The following PICALM variants were observed in gnomAD, a reference collection of about 807,000 sequenced individuals.
The protein encoded by PICALM is phosphatidylinositol binding clathrin assembly protein.
PICALM carries 40 observed loss-of-function variants against 80.5 expected under a neutral mutation model. That is an observed-to-expected ratio of 0.50 (90% CI 0.39 to 0.65). PICALM has a LOEUF of 0.65. Ranked by LOEUF, PICALM falls within the 30% of genes least tolerant of loss-of-function variation. The pLI, the probability that PICALM is intolerant of heterozygous loss-of-function variation, is 0.00. For missense variants in PICALM, 676 were observed against 778.9 expected (o/e 0.87, Z 1.57); for synonymous variants, 288 against 260.3 (o/e 1.11, Z -1.02).
Position 86,031,614 on chromosome 11 carries a change from G to A in PICALM, c.131-3C>T. ...CTCATTTGTGCACTGAATTAAGTCT[G>A]CAATAAAAAATTTTTAAATGATTAA... On this transcript the variant is annotated splice_polypyrimidine_tract_variant and splice_region_variant and intron_variant, in intron 1 of 19. Transcript: ENST00000393346. 3.1e-6 allele frequency: 5 copies of A among 1,590,636 alleles called. No individual in the cohort carries two copies. The highest frequency in any genetic ancestry group is 3.4e-6 in the Non-Finnish European group (4 of 1,172,250).
chr11:85,985,809 T>G (rs1226951786), intron 13 of PICALM, among the ~76,000 whole-genome samples: 2 of 152,224 alleles, frequency 1.3e-5, no homozygotes, highest in African/African-American at 4.8e-5. Flanking sequence ...GCTATTGATG[T>G]CACTAACTTT....
chr11:85,970,412 G>T (rs1455395182), intron 19 of PICALM, among the ~76,000 whole-genome samples: 1 of 152,200 alleles, frequency 6.6e-6, no homozygotes, highest in Non-Finnish European at 1.5e-5. Context: ...CGAAGAACTT[G>T]AATATTCCGT....
intron 19 of PICALM, among the ~76,000 whole-genome samples, chr11:85,960,216 A>ATACTT (rs1450978680): frequency 2.6e-5 from 4 of 152,202 alleles, no homozygotes; most frequent in Non-Finnish European, 5.9e-5. Flanking sequence ...AAGATTACTG[A>ATACTT]AGTAGATGTG....
chr11:86,028,647 A>G lies in PICALM; in HGVS notation c.274-2280T>C, dbSNP rs143846562. 3.1e-3 allele frequency among the ~76,000 whole-genome samples: 476 copies of G among 152,268 alleles called. 4 individuals carry two copies. The highest frequency in any genetic ancestry group is 0.011 in the South Asian group (51 of 4,820). ...CAGAAGTGACTTACCCAAGTCACCC[A>G]GTTGGTAAGTGAACAACAGTATAAA... is the stretch of plus-strand genomic sequence containing the variant. On this transcript the variant is annotated intron_variant, in intron 2 of 19. Transcript: ENST00000393346.
At chr11:86,003,641 G>C (rs1469141211) in intron 8 of PICALM, 190 bp from the exon 9 acceptor site, 8 of 390,862 alleles carry the variant, frequency 2.0e-5, no homozygotes, top group Non-Finnish European at 3.6e-5. Flanking sequence ...CCTAGTTGGA[G>C]ATATTAAGAA....
In PICALM at chr11:85,990,008, C is replaced by CAAAAAAAAAAAA. The variant is rs5793177; in HGVS notation, c.1408+230_1408+241dup. Among the ~76,000 whole-genome samples the CAAAAAAAAAAAA allele has an allele frequency of 5.6e-5, 5 of 89,320 alleles. 1 individual carries two copies. Among genetic ancestry groups the CAAAAAAAAAAAA allele is most frequent in the African/African-American group, 1.8e-4 (4 of 21,660 alleles). 58.6% of individuals were successfully genotyped at this position (89,320 alleles called of 152,430 possible). A position where few individuals can be genotyped will look rare whatever the true frequency, so the allele number is the denominator to read the frequency against. On this transcript the variant is annotated intron_variant, in intron 13 of 19. Transcript: ENST00000393346. Reference sequence around the variant, plus strand: ...TATAACACGACAGAGAACCAAACACCAAAAAAAAAAAAAAAAAAAAAGTTC... The same window carrying CAAAAAAAAAAAA: ...TATAACACGACAGAGAACCAAACACCAAAAAAAAAAAAAAAAAAAAAAAAAAAAAAAAAGTTC...
intron 7 of PICALM, among the ~76,000 whole-genome samples, chr11:86,009,379 A>T (rs1045823375): frequency 6.7e-6 from 1 of 149,736 alleles, no homozygotes; most frequent in African/African-American, 2.5e-5. Flanking sequence ...GCAGATCTGG[A>T]GTACAGAAGG....
chr11:86,061,227 G>C (rs1438415534), intron 1 of PICALM, among the ~76,000 whole-genome samples: 1 of 150,380 alleles, frequency 6.6e-6, no homozygotes, highest in Non-Finnish European at 1.5e-5. Flanking sequence ...TACTTGCGAG[G>C]CTGAGGCAGA....
Position 85,974,812 on chromosome 11 carries a change from G to A in PICALM, c.1840C>T (p.Pro614Ser). ...TPTGMIGYGI[P>S]PQMGSVPVMT... The stretch of plus-strand genomic sequence containing the variant: ...ACAGGAACACTTCCCATTTGTGGAG[G>A]CTAAAAAAGAGAAAAATATCAAAAG... The change falls in exon 19 of 20, where the codon CCT becomes TCT. Residue 614 changes from proline to serine, a missense_variant and splice_region_variant. By Grantham distance (74) the Pro-to-Ser change is moderately conservative. This residue lies in a region of PICALM where 391 missense variants were observed against 383.6 expected (regional missense o/e 1.02). Transcript: ENST00000393346. The A allele has an allele frequency of 6.2e-7, 1 of 1,602,380 alleles. No homozygotes were observed.
intron 4 of PICALM, among the ~76,000 whole-genome samples, chr11:86,015,441 C>T (rs1785503854): frequency 6.6e-6 from 1 of 152,286 alleles, no homozygotes; most frequent in South Asian, 2.1e-4. Context: ...CATGACCCAA[C>T]AGCAATGGCT....
At chr11:86,034,984 A>C (rs1213006661) in intron 1 of PICALM, among the ~76,000 whole-genome samples, 1 of 152,216 alleles carries the variant, frequency 6.6e-6, no homozygotes, top group African/African-American at 2.4e-5. Flanking sequence ...TTTGCAAAGG[A>C]TAAGGATCCA....
At chr11:85,966,387 G>C (rs1342801474) in intron 19 of PICALM, among the ~76,000 whole-genome samples, 1 of 152,190 alleles carries the variant, frequency 6.6e-6, no homozygotes, top group East Asian at 1.9e-4. Context: ...CTTAGAATTA[G>C]AGAATAAGGA....
chr11:85,993,196 C>T (rs968263368), intron 12 of PICALM, among the ~76,000 whole-genome samples: 22 of 151,970 alleles, frequency 1.4e-4, no homozygotes, highest in Non-Finnish European at 2.4e-4. Flanking sequence ...AAGCAATCCC[C>T]CCACTTTAGC....
At chr11:86,016,391 T>A (rs2095482032) in intron 4 of PICALM, among the ~76,000 whole-genome samples, 1 of 152,220 alleles carries the variant, frequency 6.6e-6, no homozygotes, top group South Asian at 2.1e-4. Flanking sequence ...TGGTCACATA[T>A]CCCTGTGGTA....
chr11:86,021,646 C>CG (rs2095565465), intron 4 of PICALM, among the ~76,000 whole-genome samples: 4 of 151,962 alleles, frequency 2.6e-5, no homozygotes, highest in African/African-American at 9.7e-5. Flanking sequence ...AAATGACAAA[C>CG]ATAAGAGTTA....
chr11:85,992,047 A>T (rs1024134379), intron 12 of PICALM, among the ~76,000 whole-genome samples: 1 of 152,100 alleles, frequency 6.6e-6, no homozygotes, highest in Non-Finnish European at 1.5e-5. Flanking sequence ...AGATGCTATG[A>T]TACCAACGCT....
Position 85,988,585 on chromosome 11 carries a change from G to C in PICALM, c.1408+1665C>G, listed in dbSNP as rs147470956. Among the ~76,000 whole-genome samples the C allele has an allele frequency of 3.9e-3, 586 of 152,142 alleles. 1 individual carries two copies. The highest frequency in any genetic ancestry group is 6.2e-3 in the Non-Finnish European group (422 of 67,980). ...CAAGGCATACAAGGCAGGAAGGCAGGAAAGGAGTAAGGAAAGGGAGAAAAA... is the reference window on the plus strand; with the variant it reads ...CAAGGCATACAAGGCAGGAAGGCAGCAAAGGAGTAAGGAAAGGGAGAAAAA... On this transcript the variant is annotated intron_variant, in intron 13 of 19. Transcript: ENST00000393346.
At chr11:86,066,760 A>C (rs913117240) in intron 1 of PICALM, among the ~76,000 whole-genome samples, 1 of 145,976 alleles carries the variant, frequency 6.9e-6, no homozygotes, top group Non-Finnish European at 1.5e-5. Flanking sequence ...AAAAAAAAAC[A>C]AAAAAAAACC....
intron 1 of PICALM, among the ~76,000 whole-genome samples, chr11:86,056,143 AAAAAAAAG>A (rs571524417): frequency 7.0e-6 from 1 of 143,794 alleles, no homozygotes; most frequent in East Asian, 2.0e-4. Flanking sequence ...TTTAAAAAAA[AAAAAAAAG>A]AAAAAACCCT....
Sources: gnomAD v4.1 joint callset for allele counts (sites outside exome capture counted in the v4.1 genomes callset) on GRCh38, gnomAD v4.1.1 for gene constraint, gnomAD v4.1.1 regional missense constraint, MANE v1.5 for transcripts, NCBI Gene and HGNC (gene_info 2026-07-23, HGNC 2026-07-21) for gene names.